TESK2: variants seen among roughly 807,000 people sequenced by gnomAD.
TESK2 encodes testis associated actin remodelling kinase 2, also known as dual specificity testis-specific protein kinase 2.
Under a neutral mutation model 57.1 loss-of-function variants are expected in TESK2, and 39 were observed. The observed-to-expected ratio is 0.68, with a 90% CI of 0.53 to 0.89. The LOEUF is 0.89. Ranked by LOEUF, TESK2 falls within the 40% of genes least tolerant of loss-of-function variation. The probability of loss-of-function intolerance (pLI) is 0.00; values close to 1 mark genes in which losing one functional copy is unlikely to be tolerated. For missense variants in TESK2, 646 were observed against 732.1 expected (o/e 0.88, Z 1.36); for synonymous variants, 249 against 267.9 (o/e 0.93, Z 0.69).
intron 3 of TESK2, among the ~76,000 whole-genome samples, chr1:45,392,078 T>G (rs1649164182): frequency 6.6e-6 from 1 of 151,982 alleles, no homozygotes; most frequent in Non-Finnish European, 1.5e-5. Context: ...GAATATAAGG[T>G]ATTGATTGAT....
chr1:45,451,209 T>C (rs1232538592), intron 2 of TESK2, among the ~76,000 whole-genome samples: 1 of 152,026 alleles, frequency 6.6e-6, no homozygotes, highest in Non-Finnish European at 1.5e-5. Flanking sequence ...ATAGTTAGAG[T>C]TTATATCTAC....
At chr1:45,388,712 T>C (rs1570678386) in intron 3 of TESK2, among the ~76,000 whole-genome samples, 1 of 146,092 alleles carries the variant, frequency 6.8e-6, no homozygotes, top group Non-Finnish European at 1.5e-5. Flanking sequence ...TATTGAGAGG[T>C]ACGGCTTTTT....
At chr1:45,422,831 G>A (rs969566666) in intron 2 of TESK2, among the ~76,000 whole-genome samples, 9 of 140,854 alleles carry the variant, frequency 6.4e-5, no homozygotes, top group African/African-American at 2.0e-4. Context: ...GTGCAGTGGC[G>A]TGATCTCGGC....
chr1:45,345,884 T>C lies in TESK2; in HGVS notation c.990A>G (p.Thr330=), dbSNP rs771896778. Residue 330 remains threonine, a synonymous_variant, in exon 10 of 11, where the codon ACA becomes ACG. Transcript: ENST00000372086. ...EQERDRKLQP[T]ARGLLEKAPG... Reference sequence around the variant, plus strand: ...CCTGGTCTAATCTCTTACCCCTGGCTGTGGGCTGCAGCTTCCTATCCCTCT... The same window carrying C: ...CCTGGTCTAATCTCTTACCCCTGGCCGTGGGCTGCAGCTTCCTATCCCTCT... 2 of 1,613,704 alleles carry C rather than the reference T, an allele frequency of 1.2e-6. No individual in the cohort carries two copies. Among genetic ancestry groups the C allele is most frequent in the Non-Finnish European group, 1.7e-6 (2 of 1,179,708 alleles).
At chr1:45,370,828 G>C (rs143858646) in intron 4 of TESK2, among the ~76,000 whole-genome samples, 1 of 152,254 alleles carries the variant, frequency 6.6e-6, no homozygotes, top group East Asian at 1.9e-4. Flanking sequence ...ATAAGCAGTA[G>C]CAAGATCAGT....
intron 2 of TESK2, among the ~76,000 whole-genome samples, chr1:45,432,507 C>A (rs1468557320): frequency 1.3e-5 from 2 of 151,020 alleles, no homozygotes; most frequent in Non-Finnish European, 2.9e-5. Context: ...CTGGCTAACA[C>A]GGTGAAACCC....
chr1:45,395,266 T>C (rs1312300307), intron 3 of TESK2, among the ~76,000 whole-genome samples: 1 of 152,164 alleles, frequency 6.6e-6, no homozygotes, highest in Non-Finnish European at 1.5e-5. Context: ...ACCTGGATGG[T>C]ATAGCCTACA....
chr1:45,366,453 C>T (rs1647919821), intron 4 of TESK2, among the ~76,000 whole-genome samples: 1 of 152,088 alleles, frequency 6.6e-6, no homozygotes, highest in South Asian at 2.1e-4. Flanking sequence ...TAGTGCTAGG[C>T]TGGGCACAGT....
chr1:45,389,905 C>T (rs1570679751), intron 3 of TESK2, among the ~76,000 whole-genome samples: 1 of 152,226 alleles, frequency 6.6e-6, no homozygotes, highest in African/African-American at 2.4e-5. Context: ...TTATCCTTTA[C>T]ATGGCTATGA....
At chr1:45,448,942 G>C (rs1465657595) in intron 2 of TESK2, among the ~76,000 whole-genome samples, 3 of 151,988 alleles carry the variant, frequency 2.0e-5, no homozygotes, top group Non-Finnish European at 4.4e-5. Flanking sequence ...ATGCAAAATG[G>C]GGCAGGGTGC....
chr1:45,386,060 T>C lies in TESK2; in HGVS notation c.345-100A>G, dbSNP rs146822519. The C allele has an allele frequency of 2.5e-4, 203 of 821,892 alleles. 2 individuals are homozygous for C. The East Asian group carries it at 5.6e-3, about 22-fold the overall frequency. 50.9% of individuals were successfully genotyped at this position (821,892 alleles called of 1,614,324 possible). ...TTACCCATGCATTAGAAACAACCTG[T>C]GGGGTGCGGCATGATGGCTTACATC... is the stretch of plus-strand genomic sequence containing the variant. On this transcript the variant is annotated intron_variant, in intron 3 of 10. Transcript: ENST00000372086.
chr1:45,403,392 A>G (rs1649712534), intron 3 of TESK2, among the ~76,000 whole-genome samples: 1 of 152,216 alleles, frequency 6.6e-6, no homozygotes, highest in African/African-American at 2.4e-5. Flanking sequence ...TTTTAGAGGT[A>G]TTACATCATG....
chr1:45,445,264 C>T (rs188138171), intron 2 of TESK2, among the ~76,000 whole-genome samples: 8 of 152,176 alleles, frequency 5.3e-5, no homozygotes, highest in African/African-American at 1.9e-4. Flanking sequence ...AAACTATCCT[C>T]GAAAAACCCT....
At chr1:45,404,351 C>CCATG (rs1164000513) in intron 3 of TESK2, among the ~76,000 whole-genome samples, 1 of 151,930 alleles carries the variant, frequency 6.6e-6, no homozygotes, top group East Asian at 1.9e-4. Context: ...AAGTACAGTG[C>CCATG]CATGCAAAGG....
chr1:45,372,402 ACT>A (rs1189688692), intron 4 of TESK2, among the ~76,000 whole-genome samples: 3 of 151,696 alleles, frequency 2.0e-5, no homozygotes, highest in Non-Finnish European at 4.4e-5. Context: ...ACATGGTGAA[ACT>A]CTGTTTCCAC....
At chr1:45,415,273 A>T (rs903020471) in intron 3 of TESK2, 1 of 1,383,496 alleles carries the variant, frequency 7.2e-7, no homozygotes, top group African/African-American at 1.4e-5. Flanking sequence ...TGTGGAGGCC[A>T]TGGGGCACTT....
intron 2 of TESK2, among the ~76,000 whole-genome samples, chr1:45,425,431 T>C (rs776161429): frequency 4.6e-5 from 7 of 152,120 alleles, no homozygotes; most frequent in Non-Finnish European, 7.4e-5. Context: ...GACAAAAGGA[T>C]TGCTTGAGTC....
At position 45,392,861 on chromosome 1, in the gene TESK2, G is replaced by C. The variant is rs1186959448; in HGVS notation, c.345-6901C>G. Reference sequence around the variant, plus strand: ...CCGGGCCAAGGCTTTTAAGAGTACAGATCTTGTCTCATTTGTTTCTATATA... The same window carrying C: ...CCGGGCCAAGGCTTTTAAGAGTACACATCTTGTCTCATTTGTTTCTATATA... On this transcript the variant is annotated intron_variant, in intron 3 of 10. Coordinates refer to ENST00000372086, the MANE Select transcript of TESK2 (RefSeq NM_007170.3). 3.3e-5 allele frequency among the ~76,000 whole-genome samples: 5 copies of C among 152,134 alleles called. No homozygotes were observed. The South Asian group carries it at 1.0e-3, about 31-fold the overall frequency.
At chr1:45,351,972 A>G (rs1393289349) in intron 5 of TESK2, among the ~76,000 whole-genome samples, 2 of 152,246 alleles carry the variant, frequency 1.3e-5, no homozygotes, top group African/African-American at 4.8e-5. Context: ...ATATTAAAAT[A>G]TAAGAAAGCC....
Sources: allele counts gnomAD v4.1 joint callset (sites outside exome capture counted in the v4.1 genomes callset), GRCh38; gene constraint gnomAD v4.1.1; transcripts MANE v1.5; gene names NCBI Gene and HGNC (gene_info 2026-07-23, HGNC 2026-07-21).